Variants in HMBOX1 observed in about 807,000 individuals in gnomAD.
HMBOX1 encodes homeobox-containing protein 1.
In HMBOX1, 14 loss-of-function variants were observed where a neutral mutation model predicts 54.5. That is an observed-to-expected ratio of 0.26 (90% CI 0.17 to 0.40). HMBOX1 has a LOEUF of 0.40. HMBOX1 is among the 10% of genes least tolerant of loss of function. The pLI, the probability that HMBOX1 is intolerant of heterozygous loss-of-function variation, is 1.00. For synonymous variants in HMBOX1, 160 were observed against 181.0 expected, an observed-to-expected ratio of 0.88 and a Z score of 0.93; for missense variants, 332 against 514.4, an observed-to-expected ratio of 0.65 and a Z score of 3.43.
At chr8:28,995,642 A>G (rs1278055559) in intron 4 of HMBOX1, among the ~76,000 whole-genome samples, 1 of 152,102 alleles carries the variant, frequency 6.6e-6, no homozygotes, top group Non-Finnish European at 1.5e-5. Context: ...ATACTCACCA[A>G]CACTTTATGA....
Position 28,980,083 on chromosome 8 carries a change from T to C in HMBOX1, c.513T>C (p.Ser171=). The change falls in exon 4 of 10, where the codon AGT becomes AGC. Residue 171 remains serine, a synonymous_variant. Transcript: ENST00000287701. The stretch of plus-strand genomic sequence containing the variant: ...CTGTTTTTGTTAGGAGGGACAGCAG[T>C]GTGATAAAAGAGGAAATCAAAGCCT... ...KVEELMRRDS[S]VIKEEIKAFL... 6.2e-7 allele frequency: 1 copy of C among 1,612,822 alleles called. No individual in the cohort carries two copies. Among genetic ancestry groups the C allele is most frequent in the South Asian group, 1.1e-5 (1 of 91,042 alleles).
intron 1 of HMBOX1, among the ~76,000 whole-genome samples, chr8:28,938,063 A>G (rs1001740107): frequency 1.3e-5 from 2 of 152,160 alleles, no homozygotes; most frequent in African/African-American, 2.4e-5. Context: ...TTGTCATACT[A>G]GAGTTCTTAT....
intron 5 of HMBOX1, among the ~76,000 whole-genome samples, chr8:29,012,243 A>G (rs1022886085): frequency 6.6e-6 from 1 of 152,204 alleles, no homozygotes; most frequent in Non-Finnish European, 1.5e-5. Context: ...GATTTTAGCT[A>G]AAGAATTTGG....
chr8:28,897,249 C>T (rs925071355), intron 1 of HMBOX1, among the ~76,000 whole-genome samples: 3 of 151,226 alleles, frequency 2.0e-5, no homozygotes, highest in Admixed American at 6.6e-5. Flanking sequence ...TCCCAAAGTG[C>T]TGGGATTACA....
chr8:28,896,389 G>C (rs930607980), intron 1 of HMBOX1, among the ~76,000 whole-genome samples: 3 of 131,362 alleles, frequency 2.3e-5, no homozygotes, highest in African/African-American at 7.6e-5. Context: ...CAGGTGTGTA[G>C]ATTGCATAAT....
At chr8:28,937,066 T>A (rs1391318428) in intron 1 of HMBOX1, among the ~76,000 whole-genome samples, 1 of 152,216 alleles carries the variant, frequency 6.6e-6, no homozygotes, top group Non-Finnish European at 1.5e-5. Flanking sequence ...GTTGTCAGTG[T>A]ACCACCTTTC....
chr8:28,986,172 T>C (rs1337700572), intron 4 of HMBOX1, among the ~76,000 whole-genome samples: 1 of 152,184 alleles, frequency 6.6e-6, no homozygotes, highest in Non-Finnish European at 1.5e-5. Context: ...TCATACAGTG[T>C]GGAGCTTCAG....
chr8:28,956,714 G>A (rs954086944), intron 1 of HMBOX1, among the ~76,000 whole-genome samples: 1 of 152,012 alleles, frequency 6.6e-6, no homozygotes, highest in Non-Finnish European at 1.5e-5. Context: ...CATTACAGTG[G>A]CTTTTGAATG....
At chr8:29,047,253 A>G (rs894642102) in intron 7 of HMBOX1, 105 bp from the exon 8 acceptor site, 7 of 715,710 alleles carry the variant, frequency 9.8e-6, no homozygotes, top group Non-Finnish European at 1.7e-5. Flanking sequence ...AGTTTTGGCA[A>G]TAAACGTAAT....
At chr8:28,897,953 G>A (rs574502803) in intron 1 of HMBOX1, among the ~76,000 whole-genome samples, 1 of 152,282 alleles carries the variant, frequency 6.6e-6, no homozygotes, top group East Asian at 1.9e-4. Context: ...AGAATAAAAG[G>A]GGAGGTTATG....
intron 6 of HMBOX1, among the ~76,000 whole-genome samples, chr8:29,040,351 T>C (rs1457251903): frequency 6.6e-6 from 1 of 152,218 alleles, no homozygotes; most frequent in Non-Finnish European, 1.5e-5. Context: ...TCTACCTTTA[T>C]CTTCAAAAAA....
At chr8:28,897,357 G>C (rs1301646335) in intron 1 of HMBOX1, among the ~76,000 whole-genome samples, 1 of 151,678 alleles carries the variant, frequency 6.6e-6, no homozygotes, top group Non-Finnish European at 1.5e-5. Flanking sequence ...CGATAACATT[G>C]AAATTGTCCA....
intron 8 of HMBOX1, among the ~76,000 whole-genome samples, chr8:29,047,779 C>T (rs1805812254): frequency 6.6e-6 from 1 of 152,010 alleles, no homozygotes; most frequent in Admixed American, 6.6e-5. Flanking sequence ...GTTGGTCAGG[C>T]TGGTCTCGAA....
intron 6 of HMBOX1, among the ~76,000 whole-genome samples, chr8:29,028,852 C>G (rs1802472993): frequency 6.6e-6 from 1 of 152,208 alleles, no homozygotes; most frequent in Admixed American, 6.5e-5. Flanking sequence ...ATAGCAATCT[C>G]TGAATAATAT....
intron 1 of HMBOX1, among the ~76,000 whole-genome samples, chr8:28,926,304 T>TATACACACAC (rs796953426): frequency 9.8e-5 from 14 of 142,212 alleles, no homozygotes; most frequent in African/African-American, 3.2e-4. Flanking sequence ...TATATATATA[T>TATACACACAC]ACACACACAC....
intron 1 of HMBOX1, among the ~76,000 whole-genome samples, chr8:28,933,176 A>G (rs1819774244): frequency 6.6e-6 from 1 of 152,152 alleles, no homozygotes; most frequent in African/African-American, 2.4e-5. Context: ...TAGCCACTGC[A>G]ATTCATATTT....
intron 4 of HMBOX1, among the ~76,000 whole-genome samples, chr8:29,004,807 A>G (rs1833184515): frequency 1.3e-5 from 2 of 152,132 alleles, no homozygotes; most frequent in South Asian, 4.1e-4. Context: ...CTCCTGAGAA[A>G]AAGTATCAAA....
intron 4 of HMBOX1, among the ~76,000 whole-genome samples, chr8:28,989,581 C>G (rs1005322724): frequency 2.0e-4 from 31 of 152,174 alleles, no homozygotes; most frequent in African/African-American, 6.5e-4. Flanking sequence ...TTATGTCTAT[C>G]CTTATACCAA....
intron 1 of HMBOX1, among the ~76,000 whole-genome samples, chr8:28,918,495 G>A (rs935571041): frequency 2.0e-5 from 3 of 152,300 alleles, no homozygotes; most frequent in East Asian, 3.9e-4. Context: ...GAGCCACCAC[G>A]CCTGGCCATG....
Sources: allele counts gnomAD v4.1 joint callset (sites outside exome capture counted in the v4.1 genomes callset), GRCh38; gene constraint gnomAD v4.1.1; transcripts MANE v1.5; gene names NCBI Gene and HGNC (gene_info 2026-07-23, HGNC 2026-07-21).